The following DCDC1 variants were observed in gnomAD, a reference collection of about 807,000 sequenced individuals.
DCDC1 encodes doublecortin domain containing 1, also known as doublecortin domain-containing protein 1.
A neutral mutation model predicts 178.3 loss-of-function variants in DCDC1; 200 were observed. That is an observed-to-expected ratio of 1.12 (90% confidence interval 1.00 to 1.26). The LOEUF (loss-of-function observed/expected upper bound fraction) is 1.26. DCDC1 is among the 50% of genes most tolerant of loss of function. The pLI is 0.00. For synonymous variants in DCDC1, 690 were observed against 604.8 expected, an observed-to-expected ratio of 1.14 and a Z score of -2.07; for missense variants, 1,983 against 1,749.2, an observed-to-expected ratio of 1.13 and a Z score of -2.38.
Position 30,916,920 on chromosome 11 carries a change from C to T in DCDC1, c.3402G>A (p.Lys1134=), listed in dbSNP as rs770373791. Residue 1134 remains lysine (K), a synonymous_variant, in exon 26 of 39, where the codon AAG becomes AAA. Coordinates refer to ENST00000684477, the MANE Select transcript of DCDC1 (RefSeq NM_001387274.1). Reference sequence around the variant, plus strand: ...TTTCAAAGAGCCCTTTTTCCGTTTTCTTTGGAAGACTGTCATCCTCATCAA... The same window carrying T: ...TTTCAAAGAGCCCTTTTTCCGTTTTTTTTGGAAGACTGTCATCCTCATCAA... ...HDFDEDDSLP[K]KTEKGLFENV... is the part of the protein sequence containing the mutation. The T allele has an allele frequency of 1.9e-6, 3 of 1,608,586 alleles. No individual in the cohort carries two copies. The highest frequency in any genetic ancestry group is 2.2e-5 in the South Asian group (2 of 89,364).
At chr11:31,029,854 A>G (rs1308671942) in intron 20 of DCDC1, among the ~76,000 whole-genome samples, 1 of 152,200 alleles carries the variant, frequency 6.6e-6, no homozygotes, top group Non-Finnish European at 1.5e-5. Context: ...TTCTTACTAT[A>G]GAAAGGCCAA....
intron 28 of DCDC1, 141 bp downstream of exon 28, chr11:30,911,186 G>A (rs763236156): frequency 1.3e-5 from 9 of 685,814 alleles, no homozygotes; most frequent in Non-Finnish European, 1.7e-5. Flanking sequence ...TAAAATCTAG[G>A]CAGACTATTG....
intron 20 of DCDC1, among the ~76,000 whole-genome samples, chr11:30,969,639 CTTTGAGGTAAGT>C (rs1949668874): frequency 6.6e-6 from 1 of 152,076 alleles, no homozygotes; most frequent in Non-Finnish European, 1.5e-5. Context: ...TGCTTCTTTG[CTTTGAGGTAAGT>C]TTTGAGTGTA....
intron 9 of DCDC1, among the ~76,000 whole-genome samples, chr11:31,174,144 C>T (rs2136238314): frequency 6.6e-6 from 1 of 152,274 alleles, no homozygotes; most frequent in South Asian, 2.1e-4. Flanking sequence ...GCCCCACCCT[C>T]CCAGGTGCAA....
At chr11:31,336,579 A>G (rs1352749460) in intron 1 of DCDC1, among the ~76,000 whole-genome samples, 1 of 152,202 alleles carries the variant, frequency 6.6e-6, no homozygotes, top group Non-Finnish European at 1.5e-5. Context: ...AATGCATTGA[A>G]ATAATTGTAT....
At chr11:31,293,796 G>A (rs1947401824) in intron 6 of DCDC1, among the ~76,000 whole-genome samples, 1 of 152,150 alleles carries the variant, frequency 6.6e-6, no homozygotes, top group Non-Finnish European at 1.5e-5. Context: ...CATACAACTG[G>A]TATGTGGTGG....
chr11:30,991,175 C>T (rs1950958215), intron 20 of DCDC1, among the ~76,000 whole-genome samples: 2 of 152,066 alleles, frequency 1.3e-5, no homozygotes, highest in African/African-American at 2.4e-5. Context: ...GAACCCAAGA[C>T]CTCAAGAGCA....
rs573626854 is a variant in DCDC1, at chr11:31,106,888, G to A, written c.1660C>T (p.Arg554Trp). The A allele has an allele frequency of 1.0e-4, 78 of 766,076 alleles. No individual in the cohort carries two copies. The highest frequency in any genetic ancestry group is 3.6e-4 in the South Asian group (27 of 74,618). 47.5% of individuals were successfully genotyped at this position (766,076 alleles called of 1,614,324 possible). Residue 554 changes from arginine to tryptophan, a missense_variant, in exon 13 of 39, where the codon CGG (arginine) becomes TGG (tryptophan). Arg to Trp is a moderately radical substitution (Grantham distance 101, BLOSUM62 -3). Coordinates refer to ENST00000684477, the MANE Select transcript of DCDC1 (RefSeq NM_001387274.1). ...NPPGLNYSSM[R>W]LFDENGQEIK... ...TCTTGGCCATTCTCATCAAAAAGCCGCATTGAAGAATAATTGAGGCCTGGT... is the reference window on the plus strand; with the variant it reads ...TCTTGGCCATTCTCATCAAAAAGCCACATTGAAGAATAATTGAGGCCTGGT...
intron 9 of DCDC1, among the ~76,000 whole-genome samples, chr11:31,225,701 A>G (rs1418019381): frequency 6.7e-6 from 1 of 150,114 alleles, no homozygotes; most frequent in Admixed American, 6.7e-5. Context: ...TTATATATAT[A>G]TATCTAGGTA....
At chr11:30,947,507 C>T (rs1169617807) in intron 21 of DCDC1, among the ~76,000 whole-genome samples, 1 of 151,884 alleles carries the variant, frequency 6.6e-6, no homozygotes, top group African/African-American at 2.4e-5. Context: ...AATGGATATC[C>T]GTATACAGAA....
intron 8 of DCDC1, among the ~76,000 whole-genome samples, chr11:31,250,470 C>T (rs1353360649): frequency 2.3e-5 from 3 of 130,842 alleles, no homozygotes; most frequent in African/African-American, 5.9e-5. Context: ...TGACTTTAGG[C>T]TACAGTTTAT....
At chr11:31,007,547 G>A (rs1185508375) in intron 20 of DCDC1, among the ~76,000 whole-genome samples, 1 of 152,164 alleles carries the variant, frequency 6.6e-6, no homozygotes, top group African/African-American at 2.4e-5. Flanking sequence ...AAGAGGTTAG[G>A]ATGTCACTAA....
rs542600975 is a variant in DCDC1, at chr11:31,142,520, G to T, written c.1222-4736C>A. Among the ~76,000 whole-genome samples the T allele has an allele frequency of 4.6e-5, 7 of 151,974 alleles. No individual in the cohort carries two copies. In the East Asian group the frequency reaches 7.7e-4, roughly 17 times the overall value. On this transcript the variant is annotated intron_variant, in intron 9 of 38. Transcript: ENST00000684477. ...TGTGTGTGTGTGTGTATACACATAT[G>T]CTTCTTTTATTTATCTCTATTACAC...
chr11:30,965,394 T>C (rs1446286760), intron 20 of DCDC1, among the ~76,000 whole-genome samples: 5 of 152,036 alleles, frequency 3.3e-5, no homozygotes, highest in Admixed American at 2.6e-4. Flanking sequence ...TCTGAACCTA[T>C]AGCTTCTCAG....
At position 30,958,694 on chromosome 11, in the gene DCDC1, T is replaced by C. The variant is rs141708089; in HGVS notation, c.2592-6126A>G. Among the ~76,000 whole-genome samples, 376 of 152,306 alleles carry C rather than the reference T, an allele frequency of 2.5e-3. 1 individual carries two copies. The highest frequency in any genetic ancestry group is 8.5e-3 in the African/African-American group (355 of 41,572). Reference sequence around the variant, plus strand: ...ATGGTAGAGGGAGGACTGGCCCTTCTTGCCATCACTTTCAAAAAGCTACTT... The same window carrying C: ...ATGGTAGAGGGAGGACTGGCCCTTCCTGCCATCACTTTCAAAAAGCTACTT... On this transcript the variant is annotated intron_variant, in intron 20 of 38. Coordinates refer to ENST00000684477, the MANE Select transcript of DCDC1 (RefSeq NM_001387274.1).
intron 18 of DCDC1, among the ~76,000 whole-genome samples, chr11:31,074,558 A>G (rs1388983435): frequency 6.6e-6 from 1 of 152,174 alleles, no homozygotes; most frequent in Non-Finnish European, 1.5e-5. Context: ...GCAACAAGGC[A>G]GACAGCAGCC....
At chr11:31,088,366 T>A (rs1385393855) in intron 17 of DCDC1, among the ~76,000 whole-genome samples, 1 of 152,102 alleles carries the variant, frequency 6.6e-6, no homozygotes, top group Non-Finnish European at 1.5e-5. Flanking sequence ...ATTTTCTATT[T>A]CTGTTCTTTG....
intron 20 of DCDC1, among the ~76,000 whole-genome samples, chr11:31,041,639 C>T (rs1471591041): frequency 6.6e-6 from 1 of 152,138 alleles, no homozygotes; most frequent in Non-Finnish European, 1.5e-5. Context: ...TATACTGGCA[C>T]TTGATTTTCA....
At chr11:31,178,460 G>T (rs1442864151) in intron 9 of DCDC1, among the ~76,000 whole-genome samples, 2 of 152,124 alleles carry the variant, frequency 1.3e-5, no homozygotes, top group African/African-American at 2.4e-5. Context: ...ATGACATTGG[G>T]CTCTGCAAAG....
Sources: gnomAD v4.1 joint callset for allele counts (sites outside exome capture counted in the v4.1 genomes callset) on GRCh38, gnomAD v4.1.1 for gene constraint, MANE v1.5 for transcripts, NCBI Gene and HGNC (gene_info 2026-07-23, HGNC 2026-07-21) for gene names.